The following GPC5 variants were observed in gnomAD, a reference collection of about 807,000 sequenced individuals.
GPC5 encodes the protein glypican-5.
In GPC5, 47 loss-of-function variants were observed where a neutral mutation model predicts 53.9. That is an observed-to-expected ratio of 0.87 (90% CI 0.69 to 1.11). GPC5 has a LOEUF of 1.11. Among genes scored for constraint, GPC5 ranks in the 50% most tolerant of loss-of-function variants. The probability of loss-of-function intolerance (pLI) is 0.00; values close to 1 mark genes in which losing one functional copy is unlikely to be tolerated. For missense variants in GPC5, 748 were observed against 713.1 expected (o/e 1.05, Z -0.56); for synonymous variants, 286 against 263.3 (o/e 1.09, Z -0.84).
intron 6 of GPC5, among the ~76,000 whole-genome samples, chr13:92,077,432 C>T (rs2041260938): frequency 2.6e-5 from 4 of 152,164 alleles, no homozygotes; most frequent in Admixed American, 2.0e-4. Flanking sequence ...ACTCTGTGAT[C>T]TGAGCCCTAA....
chr13:92,709,816 A>C (rs1283316389), intron 7 of GPC5, among the ~76,000 whole-genome samples: 1 of 152,244 alleles, frequency 6.6e-6, no homozygotes, highest in South Asian at 2.1e-4. Context: ...ATTGTAAAAC[A>C]TAATGCAATT....
At chr13:91,657,266 C>T (rs1176449489) in intron 2 of GPC5, among the ~76,000 whole-genome samples, 1 of 152,036 alleles carries the variant, frequency 6.6e-6, no homozygotes, top group East Asian at 1.9e-4. Flanking sequence ...GAAGGGTCAT[C>T]TCTTCGAAAT....
At chr13:92,705,759 A>G (rs1887928980) in intron 7 of GPC5, among the ~76,000 whole-genome samples, 1 of 152,108 alleles carries the variant, frequency 6.6e-6, no homozygotes, top group Non-Finnish European at 1.5e-5. Context: ...CTCTTACTAA[A>G]TAGTATTAAA....
chr13:91,435,904 G>C (rs2139044128), intron 1 of GPC5, among the ~76,000 whole-genome samples: 1 of 152,192 alleles, frequency 6.6e-6, no homozygotes, highest in African/African-American at 2.4e-5. Flanking sequence ...CTTCTTCCTG[G>C]TTTAGTCTTG....
chr13:92,660,814 C>T (rs1886316292), intron 7 of GPC5, among the ~76,000 whole-genome samples: 1 of 151,982 alleles, frequency 6.6e-6, no homozygotes, highest in Admixed American at 6.6e-5. Context: ...TCAGTATTTC[C>T]CAATACAGTA....
At chr13:91,470,384 G>T (rs1594130650) in intron 2 of GPC5, among the ~76,000 whole-genome samples, 3 of 152,198 alleles carry the variant, frequency 2.0e-5, no homozygotes, top group East Asian at 3.9e-4. Context: ...TTACAAATGG[G>T]GATTAGACTG....
intron 2 of GPC5, among the ~76,000 whole-genome samples, chr13:91,451,415 G>A (rs1337524324): frequency 6.6e-6 from 1 of 152,032 alleles, no homozygotes; most frequent in Non-Finnish European, 1.5e-5. Flanking sequence ...TTGGGTCTGG[G>A]GATTTAGCAG....
At chr13:91,611,005 A>G (rs555580850) in intron 2 of GPC5, among the ~76,000 whole-genome samples, 8 of 152,330 alleles carry the variant, frequency 5.3e-5, no homozygotes, top group African/African-American at 1.9e-4. Context: ...TAAGTTTTTT[A>G]ATCTTTCAGC....
intron 7 of GPC5, among the ~76,000 whole-genome samples, chr13:92,374,830 G>A (rs2043680116): frequency 1.5e-5 from 2 of 136,294 alleles, no homozygotes; most frequent in South Asian, 2.3e-4. Context: ...ATGTGCACAT[G>A]TACCCTAAAA....
intron 2 of GPC5, among the ~76,000 whole-genome samples, chr13:91,676,838 G>A (rs1422275248): frequency 6.6e-6 from 1 of 152,214 alleles, no homozygotes; most frequent in African/African-American, 2.4e-5. Context: ...GGTATAGTTA[G>A]AGTGATAAGT....
At chr13:91,822,734 G>A (rs1300217071) in intron 5 of GPC5, among the ~76,000 whole-genome samples, 1 of 152,046 alleles carries the variant, frequency 6.6e-6, no homozygotes, top group African/African-American at 2.4e-5. Flanking sequence ...ATAGGGTCAA[G>A]CCATATCACA....
chr13:92,244,224 G>A (rs1412563187), intron 7 of GPC5, among the ~76,000 whole-genome samples: 5 of 152,214 alleles, frequency 3.3e-5, no homozygotes, highest in South Asian at 2.1e-4. Flanking sequence ...AACAATTTGT[G>A]TAGATGTTCA....
chr13:91,600,128 G>T (rs2033128043), intron 2 of GPC5, among the ~76,000 whole-genome samples: 1 of 152,004 alleles, frequency 6.6e-6, no homozygotes, highest in South Asian at 2.1e-4. Context: ...TCACCATCTT[G>T]GCCAGGCTGG....
chr13:92,015,032 C>T (rs541584955), intron 6 of GPC5, among the ~76,000 whole-genome samples: 1 of 151,862 alleles, frequency 6.6e-6, no homozygotes, highest in African/African-American at 2.4e-5. Flanking sequence ...CCTTGGAGCC[C>T]CTGAGATGCA....
intron 7 of GPC5, among the ~76,000 whole-genome samples, chr13:92,736,067 AT>A (rs1481436865): frequency 6.6e-6 from 1 of 151,900 alleles, no homozygotes; most frequent in Admixed American, 6.6e-5. Flanking sequence ...ACATTATTTG[AT>A]TTTTCTCTTT....
intron 5 of GPC5, among the ~76,000 whole-genome samples, chr13:91,825,181 A>G (rs1400799554): frequency 6.6e-6 from 1 of 151,974 alleles, no homozygotes; most frequent in African/African-American, 2.4e-5. Flanking sequence ...ACAGAGTGGA[A>G]GAGAAAATAG....
At chr13:92,733,425 A>T (rs1888859114) in intron 7 of GPC5, among the ~76,000 whole-genome samples, 1 of 151,744 alleles carries the variant, frequency 6.6e-6, no homozygotes, top group Non-Finnish European at 1.5e-5. Flanking sequence ...ATAGGCAGGA[A>T]GTTGAAGTTA....
chr13:92,558,322 T>G (rs1882571272), intron 7 of GPC5, among the ~76,000 whole-genome samples: 1 of 152,036 alleles, frequency 6.6e-6, no homozygotes, highest in Admixed American at 6.6e-5. Flanking sequence ...TAAAGTTAAT[T>G]TATGCATTTT....
chr13:91,606,905 AG>A (rs2033387784), intron 2 of GPC5, among the ~76,000 whole-genome samples: 1 of 151,320 alleles, frequency 6.6e-6, no homozygotes, highest in Admixed American at 6.6e-5. Context: ...TCAAAAAACC[AG>A]CTCCTGGATT....
Sources: gnomAD v4.1 joint callset for allele counts (sites outside exome capture counted in the v4.1 genomes callset) on GRCh38, gnomAD v4.1.1 for gene constraint, MANE v1.5 for transcripts, NCBI Gene and HGNC (gene_info 2026-07-23, HGNC 2026-07-21) for gene names.